The following TMEM63C variants were observed in gnomAD, a reference collection of about 807,000 sequenced individuals.
TMEM63C encodes the protein osmosensitive cation channel TMEM63C.
TMEM63C carries 32 observed loss-of-function variants against 99.2 expected under a neutral mutation model. The ratio of observed to expected loss-of-function variants is 0.32; its 90% CI spans 0.24 to 0.43. The LOEUF (loss-of-function observed/expected upper bound fraction) is 0.43, where lower values mean the gene tolerates loss of function less well. TMEM63C is among the 20% of genes least tolerant of loss of function. The pLI, the probability that TMEM63C is intolerant of heterozygous loss-of-function variation, is 1.00. For missense variants in TMEM63C, 826 were observed against 1,053.0 expected (o/e 0.78, Z 2.98); for synonymous variants, 376 against 397.9 (o/e 0.94, Z 0.66).
chr14:77,220,793 C>G (rs944346216), intron 5 of TMEM63C, among the ~76,000 whole-genome samples: 1 of 151,586 alleles, frequency 6.6e-6, no homozygotes, highest in African/African-American at 2.4e-5. Context: ...CGTCCTCCCT[C>G]CCCACCCCCA....
At chr14:77,214,950 C>G (rs1343007003) in intron 2 of TMEM63C, among the ~76,000 whole-genome samples, 1 of 152,204 alleles carries the variant, frequency 6.6e-6, no homozygotes, top group East Asian at 1.9e-4. Flanking sequence ...TCTTATTTCT[C>G]TCCTGGCTCA....
chr14:77,194,050 T>C (rs1383534278), intron 1 of TMEM63C, among the ~76,000 whole-genome samples: 1 of 152,176 alleles, frequency 6.6e-6, no homozygotes, highest in African/African-American at 2.4e-5. Flanking sequence ...AGTATGATGC[T>C]GTCTCAAAAC....
intron 17 of TMEM63C, 47 bp downstream of exon 17, chr14:77,246,073 G>A: frequency 2.1e-6 from 3 of 1,443,564 alleles, no homozygotes; most frequent in Non-Finnish European, 2.9e-6. Context: ...GGCTCTCTTA[G>A]AGTTAAGACC....
At position 77,194,332 on chromosome 14, in the gene TMEM63C, ATATATGTGTGTGTG is replaced by A. The variant is rs1169181590; in HGVS notation, c.-77+12440_-77+12453del. 3.6e-3 allele frequency among the ~76,000 whole-genome samples: 216 copies of A among 59,404 alleles called. 1 individual carries two copies. The highest frequency in any genetic ancestry group is 0.012 in the African/African-American group (202 of 17,046). 39.0% of individuals were successfully genotyped at this position (59,404 alleles called of 152,430 possible). ...AATAAAGATGCAGGCATAGATATAT[ATATATGTGTGTGTG>A]TGTGTGTGTGTGTGTGTGTGTGTGT... On this transcript the variant is annotated intron_variant, in intron 1 of 23. Coordinates refer to ENST00000298351, the MANE Select transcript of TMEM63C (RefSeq NM_020431.4).
chr14:77,209,449 C>T (rs1888458807), intron 1 of TMEM63C, among the ~76,000 whole-genome samples: 1 of 152,158 alleles, frequency 6.6e-6, no homozygotes, highest in African/African-American at 2.4e-5. Flanking sequence ...CCTTCTGTCT[C>T]TCATTGAGGC....
Position 77,199,923 on chromosome 14 carries a change from TGAGAGAGGAGCCGGTGAAGGACGAG to T in TMEM63C, c.-76-13515_-76-13491del, listed in dbSNP as rs1566617569. Among the ~76,000 whole-genome samples the T allele has an allele frequency of 2.6e-5, 4 of 151,972 alleles. No homozygotes were observed. The South Asian group carries it at 8.3e-4, about 32-fold the overall frequency. On this transcript the variant is annotated intron_variant, in intron 1 of 23. Coordinates refer to ENST00000298351, the MANE Select transcript of TMEM63C (RefSeq NM_020431.4). ...GGGAAACTAAAATGTAGGTGAGAGATGAGAGAGGAGCCGGTGAAGGACGAGGAGAGAGAAATCCCCACCATCCTTT... is the reference window on the plus strand; with the variant it reads ...GGGAAACTAAAATGTAGGTGAGAGATGAGAGAGAAATCCCCACCATCCTTT...
intron 1 of TMEM63C, among the ~76,000 whole-genome samples, chr14:77,188,190 C>T (rs1422049953): frequency 6.6e-6 from 1 of 152,180 alleles, no homozygotes; most frequent in Non-Finnish European, 1.5e-5. Flanking sequence ...CTCCCTGGAT[C>T]TCAGCCAGAT....
chr14:77,245,429 G>T lies in TMEM63C; in HGVS notation c.1449-511G>T, dbSNP rs577029139. The stretch of plus-strand genomic sequence containing the variant: ...TGTATTAGCCAGTTTTCACACTGCT[G>T]ATAAAGACATACCCGAGACTGGACA... On this transcript the variant is annotated intron_variant, in intron 16 of 23. Coordinates refer to ENST00000298351, the MANE Select transcript of TMEM63C (RefSeq NM_020431.4). 3.3e-3 allele frequency among the ~76,000 whole-genome samples: 506 copies of T among 152,344 alleles called. 1 individual carries two copies. The highest frequency in any genetic ancestry group is 5.4e-3 in the Non-Finnish European group (369 of 68,036).
chr14:77,237,465 CA>C (rs752410685), intron 9 of TMEM63C, among the ~76,000 whole-genome samples: 2 of 151,888 alleles, frequency 1.3e-5, no homozygotes, highest in African/African-American at 4.8e-5. Context: ...CAAAGGCAAC[CA>C]AAAAAAGGGA....
chr14:77,191,910 A>G lies in TMEM63C; in HGVS notation c.-77+10016A>G, dbSNP rs563160688. On this transcript the variant is annotated intron_variant, in intron 1 of 23. Transcript: ENST00000298351. ...ATCCATTATTGAAAGGAGTACTGAAATCTCCAATTATTATTGTGGTGTGGT... is the reference window on the plus strand; with the variant it reads ...ATCCATTATTGAAAGGAGTACTGAAGTCTCCAATTATTATTGTGGTGTGGT... Among the ~76,000 whole-genome samples, 69 of 152,210 alleles carry G rather than the reference A, an allele frequency of 4.5e-4. 1 individual carries two copies. In the South Asian group the frequency reaches 0.014, roughly 31 times the overall value.
chr14:77,241,400 A>G (rs189381216), intron 13 of TMEM63C, among the ~76,000 whole-genome samples: 95 of 152,274 alleles, frequency 6.2e-4, no homozygotes, highest in Non-Finnish European at 1.1e-3. Flanking sequence ...TGCGTTGACA[A>G]GGAGTGAATT....
chr14:77,215,675 G>A (rs868288609), intron 2 of TMEM63C, among the ~76,000 whole-genome samples: 2 of 150,030 alleles, frequency 1.3e-5, no homozygotes, highest in Non-Finnish European at 3.0e-5. Context: ...ACTGGCTGCC[G>A]CCGCCACTCC....
In TMEM63C at chr14:77,231,740, G is replaced by C; in HGVS notation, c.493+10G>C. 1.3e-6 allele frequency: 2 copies of C among 1,551,506 alleles called. No homozygotes were observed. The highest frequency in any genetic ancestry group is 1.7e-6 in the Non-Finnish European group (2 of 1,146,970). On this transcript the variant is annotated intron_variant, in intron 7 of 23. Coordinates refer to ENST00000298351, the MANE Select transcript of TMEM63C (RefSeq NM_020431.4). ...ACTGGATCTGTTCTGGGTAGGCAAA[G>C]CTCAGCTGGCCCTGGGGCAGCAGCT...
At position 77,246,613 on chromosome 14, in the gene TMEM63C, G is replaced by C. The variant is rs200817230; in HGVS notation, c.1540G>C (p.Asp514His). 8.3e-4 allele frequency: 1,344 copies of C among 1,612,750 alleles called. 1 individual carries two copies. Among genetic ancestry groups the C allele is most frequent in the Non-Finnish European group, 1.1e-3 (1,261 of 1,179,344 alleles). Residue 514 changes from aspartate (D) to histidine (H), a missense_variant, in exon 18 of 24, where the codon GAT (aspartate) becomes CAT (histidine). Coordinates refer to ENST00000298351, the MANE Select transcript of TMEM63C (RefSeq NM_020431.4). ...CTGCCTTGTTTTTGCTTCTAGTTTG[G>C]ATGTCTTTCTCCGCTGGCTCTTTGA... ...ILPSMGLTSL[D>H]VFLRWLFDIY...
At chr14:77,208,229 C>G (rs1049334516) in intron 1 of TMEM63C, among the ~76,000 whole-genome samples, 1 of 152,214 alleles carries the variant, frequency 6.6e-6, no homozygotes, top group Non-Finnish European at 1.5e-5. Context: ...GAATTAGAAG[C>G]TGGGTCTTCA....
chr14:77,252,972 G>A (rs1471477032), intron 22 of TMEM63C, among the ~76,000 whole-genome samples: 1 of 152,246 alleles, frequency 6.6e-6, no homozygotes, highest in East Asian at 1.9e-4. Flanking sequence ...CCAAATTAGA[G>A]GGGAAGCCAC....
chr14:77,235,064 T>C (rs1274203544), intron 8 of TMEM63C, among the ~76,000 whole-genome samples: 2 of 152,152 alleles, frequency 1.3e-5, no homozygotes, highest in East Asian at 3.9e-4. Context: ...ACCACATGCA[T>C]GGCTATGTGT....
At chr14:77,240,902 G>A (rs1889158814) in intron 13 of TMEM63C, among the ~76,000 whole-genome samples, 2 of 150,736 alleles carry the variant, frequency 1.3e-5, no homozygotes, top group African/African-American at 4.9e-5. Flanking sequence ...TTCTGCCCTT[G>A]ACAAGAATGA....
chr14:77,202,060 C>G (rs761448788), intron 1 of TMEM63C, among the ~76,000 whole-genome samples: 2 of 152,212 alleles, frequency 1.3e-5, no homozygotes, highest in Non-Finnish European at 2.9e-5. Flanking sequence ...CAGCAGGGGC[C>G]CCAGGGCAGA....
Sources: allele counts gnomAD v4.1 joint callset (sites outside exome capture counted in the v4.1 genomes callset), GRCh38; gene constraint gnomAD v4.1.1; transcripts MANE v1.5; gene names NCBI Gene and HGNC (gene_info 2026-07-23, HGNC 2026-07-21).